Variants in NRXN1 observed in about 807,000 individuals in gnomAD.
NRXN1 encodes the protein neurexin 1.
A neutral mutation model predicts 150.9 loss-of-function variants in NRXN1; 39 were observed. That is an observed-to-expected ratio of 0.26 (90% CI 0.20 to 0.34). NRXN1 has a LOEUF of 0.34. Ranked by LOEUF, NRXN1 falls within the 10% of genes least tolerant of loss-of-function variation. NRXN1 has a pLI of 1.00. For missense variants in NRXN1, 1,815 were observed against 1,949.9 expected (o/e 0.93, Z 1.30); for synonymous variants, 924 against 757.0 (o/e 1.22, Z -3.62).
At chr2:50,221,251 G>C (rs1044789350) in intron 18 of NRXN1, among the ~76,000 whole-genome samples, 2 of 151,902 alleles carry the variant, frequency 1.3e-5, no homozygotes, top group African/African-American at 4.8e-5. Context: ...ACTGAAATCT[G>C]GGATTATTAG....
Position 49,920,080 on chromosome 2 carries a change from TCTC to T in NRXN1, c.*1861_*1863del, listed in dbSNP as rs371251676. 790 of 152,286 alleles carry T rather than the reference TCTC, an allele frequency of 5.2e-3. 10 individuals are homozygous for T. The highest frequency in any genetic ancestry group is 0.018 in the African/African-American group (745 of 41,566). 9.4% of individuals were successfully genotyped at this position (152,286 alleles called of 1,614,324 possible). A position where few individuals can be genotyped will look rare whatever the true frequency, so the allele number is the denominator to read the frequency against. On this transcript the variant is annotated 3_prime_UTR_variant, in exon 23 of 23. Coordinates refer to ENST00000401669, the MANE Select transcript of NRXN1 (RefSeq NM_001330078.2). ...TAATAATGCATTTTTTGCACTACCT[TCTC>T]ATATTAGTAATTTATTGCTGTGAAC...
chr2:49,936,722 A>T (rs946589030), intron 22 of NRXN1, among the ~76,000 whole-genome samples: 220 of 85,212 alleles, frequency 2.6e-3, no homozygotes, highest in African/African-American at 0.011. Context: ...TTATATTGTT[A>T]AAAAAAAAAA....
At chr2:50,349,001 C>T (rs560858695) in intron 17 of NRXN1, among the ~76,000 whole-genome samples, 2 of 152,252 alleles carry the variant, frequency 1.3e-5, no homozygotes, top group East Asian at 3.9e-4. Context: ...TTCAAATCAG[C>T]TACTAACCCA....
chr2:50,421,678 A>C (rs2084010898), intron 17 of NRXN1, among the ~76,000 whole-genome samples: 1 of 152,158 alleles, frequency 6.6e-6, no homozygotes, highest in South Asian at 2.1e-4. Flanking sequence ...CATCACCCAT[A>C]TGCACTAGTA....
intron 18 of NRXN1, among the ~76,000 whole-genome samples, chr2:50,101,848 C>T (rs1452848536): frequency 6.6e-6 from 1 of 151,944 alleles, no homozygotes; most frequent in African/African-American, 2.4e-5. Context: ...GATGGACTGA[C>T]TTCCTAATGA....
chr2:49,990,840 G>T (rs1452542430), intron 21 of NRXN1, among the ~76,000 whole-genome samples: 1 of 152,100 alleles, frequency 6.6e-6, no homozygotes. Flanking sequence ...AGCTTCAAAA[G>T]TATCTGCATT....
chr2:50,827,657 G>T (rs377215505), intron 5 of NRXN1, among the ~76,000 whole-genome samples: 1 of 151,986 alleles, frequency 6.6e-6, no homozygotes, highest in Admixed American at 6.6e-5. Flanking sequence ...TCACAGAGGG[G>T]GACTTGGCAG....
At chr2:50,160,167 G>A (rs2059274278) in intron 18 of NRXN1, among the ~76,000 whole-genome samples, 1 of 139,216 alleles carries the variant, frequency 7.2e-6, no homozygotes, top group Non-Finnish European at 1.6e-5. Flanking sequence ...ATGCAAAATT[G>A]AGTGTAATCA....
At chr2:50,213,553 C>A (rs2063180964) in intron 18 of NRXN1, among the ~76,000 whole-genome samples, 1 of 151,772 alleles carries the variant, frequency 6.6e-6, no homozygotes, top group Non-Finnish European at 1.5e-5. Context: ...CCAGGCAGCC[C>A]TCTGATGCTT....
chr2:50,772,613 T>C lies in NRXN1; in HGVS notation c.833-148998A>G, dbSNP rs928083859. Among the ~76,000 whole-genome samples, 4 of 152,106 alleles carry C rather than the reference T, an allele frequency of 2.6e-5. No homozygotes were observed. In the East Asian group the frequency reaches 7.7e-4, roughly 29 times the overall value. ...CTTGTGTTTTCTTGAGTCTTTGAGA[T>C]ATTTAAATTCTATGGGAGCAAGCAT... On this transcript the variant is annotated intron_variant, in intron 5 of 22. Coordinates refer to ENST00000401669, the MANE Select transcript of NRXN1 (RefSeq NM_001330078.2).
intron 13 of NRXN1, among the ~76,000 whole-genome samples, chr2:50,502,511 C>A (rs1442028803): frequency 6.6e-6 from 1 of 151,990 alleles, no homozygotes; most frequent in Admixed American, 6.6e-5. Context: ...TCATGGTTAA[C>A]CCCTGCTTCA....
At chr2:50,788,832 T>C (rs1705526393) in intron 5 of NRXN1, among the ~76,000 whole-genome samples, 1 of 151,618 alleles carries the variant, frequency 6.6e-6, no homozygotes, top group Admixed American at 6.7e-5. Context: ...AAATGGATAA[T>C]TAAACACAGT....
chr2:50,028,166 C>G (rs925909241), intron 21 of NRXN1, among the ~76,000 whole-genome samples: 1 of 152,054 alleles, frequency 6.6e-6, no homozygotes, highest in Admixed American at 6.6e-5. Flanking sequence ...AAAATACTTA[C>G]CAGTTGTTCA....
chr2:50,998,333 T>C (rs569550366), intron 2 of NRXN1, among the ~76,000 whole-genome samples: 3 of 107,986 alleles, frequency 2.8e-5, no homozygotes, highest in Non-Finnish European at 5.3e-5. Flanking sequence ...CTGTACTAAG[T>C]AGAATGTCAC....
chr2:50,768,359 A>T (rs1006040772), intron 5 of NRXN1, among the ~76,000 whole-genome samples: 3 of 152,108 alleles, frequency 2.0e-5, no homozygotes, highest in Non-Finnish European at 4.4e-5. Context: ...TGCAGGCTGG[A>T]GCGCAGTGGC....
intron 17 of NRXN1, among the ~76,000 whole-genome samples, chr2:50,254,623 CATT>C (rs1284879038): frequency 6.6e-6 from 1 of 151,904 alleles, no homozygotes; most frequent in African/African-American, 2.4e-5. Context: ...TCTCTTTGTT[CATT>C]TCTCAATTTT....
At chr2:50,945,465 A>T (rs1305840830) in intron 2 of NRXN1, among the ~76,000 whole-genome samples, 1 of 151,844 alleles carries the variant, frequency 6.6e-6, no homozygotes, top group East Asian at 1.9e-4. Context: ...CACTGTCTCA[A>T]AAAATAATAA....
chr2:50,341,698 T>C (rs1464973053), intron 17 of NRXN1, among the ~76,000 whole-genome samples: 1 of 152,202 alleles, frequency 6.6e-6, no homozygotes, highest in African/African-American at 2.4e-5. Flanking sequence ...CTTATATCTG[T>C]TCGAAAAGTA....
At chr2:50,942,282 C>A (rs763489453) in intron 2 of NRXN1, among the ~76,000 whole-genome samples, 1 of 152,176 alleles carries the variant, frequency 6.6e-6, no homozygotes. Context: ...ACATGGAGAA[C>A]CTCTACTAGG....
Sources: gnomAD v4.1 joint callset for allele counts (sites outside exome capture counted in the v4.1 genomes callset) on GRCh38, gnomAD v4.1.1 for gene constraint, MANE v1.5 for transcripts, NCBI Gene and HGNC (gene_info 2026-07-23, HGNC 2026-07-21) for gene names.